MECR: variants seen among roughly 807,000 people sequenced by gnomAD.
MECR encodes the protein enoyl-[acyl-carrier-protein] reductase, mitochondrial.
MECR carries 37 observed loss-of-function variants against 49.1 expected under a neutral mutation model. The observed-to-expected ratio is 0.75, with a 90% CI of 0.58 to 0.99. The LOEUF is 0.99. Ranked by LOEUF, MECR falls within the 50% of genes least tolerant of loss-of-function variation. MECR has a pLI of 0.00. For missense variants in MECR, 470 were observed against 479.6 expected (o/e 0.98, Z 0.19); for synonymous variants, 198 against 191.1 (o/e 1.04, Z -0.30).
At chr1:29,170,239 T>A in the MECR span, 1 of 151,948 alleles carries the variant, frequency 6.6e-6, no homozygotes, top group Non-Finnish European at 1.5e-5. Flanking sequence ...AACCACAAAT[T>A]AAAAACGATT....
intron 4 of MECR, among the ~76,000 whole-genome samples, chr1:29,204,963 A>C (rs1471128385): frequency 6.6e-6 from 1 of 152,212 alleles, no homozygotes; most frequent in African/African-American, 2.4e-5. Flanking sequence ...ATGTTTCATC[A>C]CACTCCAACA....
chr1:29,211,357 T>C (rs1014089794), intron 3 of MECR, among the ~76,000 whole-genome samples: 1 of 152,264 alleles, frequency 6.6e-6, no homozygotes, highest in African/African-American at 2.4e-5. Flanking sequence ...TGAGCCACCA[T>C]GCCTGGTCCT....
At chr1:29,217,127 CAAAAAAA>C (rs1195549293) in intron 1 of MECR, among the ~76,000 whole-genome samples, 2 of 47,264 alleles carry the variant, frequency 4.2e-5, no homozygotes, top group Admixed American at 3.9e-4. Flanking sequence ...GACTTTGTCT[CAAAAAAA>C]AAAAAAAAAA....
chr1:29,222,842 C>T (rs1681107026), intron 1 of MECR, among the ~76,000 whole-genome samples: 1 of 152,150 alleles, frequency 6.6e-6, no homozygotes, highest in South Asian at 2.1e-4. Flanking sequence ...CTGCCTCTCA[C>T]CAGGGAGGCC....
chr1:29,217,370 C>T (rs1379749489), intron 1 of MECR, among the ~76,000 whole-genome samples: 5 of 148,052 alleles, frequency 3.4e-5, no homozygotes, highest in African/African-American at 4.9e-5. Context: ...CCACCACGCC[C>T]GGCTAATTTT....
rs200671357 is a variant in MECR at position 29,230,855 on chromosome 1, G to A, written c.52C>T (p.Arg18Trp). Residue 18 changes from arginine (R) to tryptophan (W), a missense_variant, in exon 1 of 10, where the codon CGG becomes TGG. Coordinates refer to ENST00000263702, the MANE Select transcript of MECR (RefSeq NM_016011.5). ...WRVRTPARQW[R>W]GLLPASGCHG... is the part of the protein sequence containing the mutation. ...CAGCCAGAAGCTGGGAGCAGCCCCC[G>A]CCACTGCCGGGCGGGGGTTCGCACC... The A allele has an allele frequency of 1.9e-6, 3 of 1,607,360 alleles. No homozygotes were observed. The highest frequency in any genetic ancestry group is 2.1e-4 in the Middle Eastern group (1 of 4,748).
chr1:29,203,187 T>C lies in MECR; in HGVS notation c.597A>G (p.Ala199=), dbSNP rs1062924. 1,377,987 of 1,584,300 alleles carry C rather than the reference T, an allele frequency of 0.87. 603,839 individuals carry two copies. The highest frequency in any genetic ancestry group is 0.9 in the Non-Finnish European group (1,043,333 of 1,161,920). ...CCAGGGCTGCGGCGATCTGGATGAC[T>C]GCTTGCCCCACTCCGCTGTTGGATG... ...QNASNSGVGQ[A]VIQIAAALGL... The change falls in exon 5 of 10, where the codon GCA becomes GCG. Residue 199 remains alanine (A), a synonymous_variant. Coordinates refer to ENST00000263702, the MANE Select transcript of MECR (RefSeq NM_016011.5).
chr1:29,216,927 G>A lies in MECR; in HGVS notation c.177-242C>T, dbSNP rs1679552950. On this transcript the variant is annotated intron_variant, in intron 1 of 9. Coordinates refer to ENST00000263702, the MANE Select transcript of MECR (RefSeq NM_016011.5). ...AGACAGGCGGATAACCTGAGGTCAG[G>A]AGTTCAAGACCAGCCTGGCCAACAT... is the stretch of plus-strand genomic sequence containing the variant. 3 of 778,688 alleles carry A rather than the reference G, an allele frequency of 3.9e-6. No individual in the cohort carries two copies. In the South Asian group the frequency reaches 6.4e-5, roughly 17 times the overall value. 48.2% of individuals were successfully genotyped at this position (778,688 alleles called of 1,614,324 possible).
At chr1:29,209,313 A>G (rs1677377007) in intron 3 of MECR, among the ~76,000 whole-genome samples, 1 of 152,246 alleles carries the variant, frequency 6.6e-6, no homozygotes, top group Non-Finnish European at 1.5e-5. Flanking sequence ...TGATTTCTCG[A>G]ATGGGTCACA....
the MECR span, among the ~76,000 whole-genome samples, chr1:29,176,801 A>G: frequency 4.9e-4 from 75 of 152,346 alleles, no homozygotes; most frequent in African/African-American, 1.7e-3. Flanking sequence ...ATTAGATAGC[A>G]TGACTAAACA....
At chr1:29,187,726 A>G (rs984429889), downstream of MECR, among the ~76,000 whole-genome samples, 1 of 150,550 alleles carries the variant, frequency 6.6e-6, no homozygotes, top group Non-Finnish European at 1.5e-5. Context: ...CAGCCTCCCA[A>G]GTAGCTGGAA....
At chr1:29,189,891 C>T (rs977679620), downstream of MECR, among the ~76,000 whole-genome samples, 1 of 152,160 alleles carries the variant, frequency 6.6e-6, no homozygotes, top group African/African-American at 2.4e-5. Flanking sequence ...TTCCCTTTTT[C>T]GGCTTCAGAT....
intron 4 of MECR, among the ~76,000 whole-genome samples, chr1:29,204,330 C>T (rs1676041674): frequency 6.6e-6 from 1 of 152,106 alleles, no homozygotes; most frequent in South Asian, 2.1e-4. Context: ...ATCTGTCACA[C>T]AACGGGCTGA....
intron 1 of MECR, chr1:29,220,591 A>G (rs1680540051): frequency 1.3e-5 from 2 of 152,240 alleles, no homozygotes; most frequent in African/African-American, 4.8e-5. Context: ...ACGTGCAGTG[A>G]CACTGCACTT....
chr1:29,189,219 G>A (rs55761636), downstream of MECR, among the ~76,000 whole-genome samples: 311 of 144,618 alleles, frequency 2.2e-3, 2 homozygotes, highest in African/African-American at 8.0e-3. Flanking sequence ...TTACAGGTGT[G>A]AGCCACTGTG....
At chr1:29,203,405 T>G (rs1311756133) in intron 4 of MECR, among the ~76,000 whole-genome samples, 172 bp from the exon 5 acceptor site, 3 of 152,222 alleles carry the variant, frequency 2.0e-5, no homozygotes, top group Non-Finnish European at 4.4e-5. Flanking sequence ...GTTCTCCTAA[T>G]GCCTCCTAAA....
intron 1 of MECR, among the ~76,000 whole-genome samples, chr1:29,229,363 C>T (rs1010904544): frequency 2.6e-5 from 4 of 152,092 alleles, no homozygotes; most frequent in Admixed American, 6.5e-5. Flanking sequence ...CCACCAAGCC[C>T]GGCTAATTTT....
chr1:29,184,249 C>G, the MECR span, among the ~76,000 whole-genome samples: 1 of 145,344 alleles, frequency 6.9e-6, no homozygotes, highest in Non-Finnish European at 1.5e-5. Flanking sequence ...TATCTTGGCT[C>G]ACTGCAGTCT....
chr1:29,182,126 GC>G, the MECR span: 1 of 184,462 alleles, frequency 5.4e-6, no homozygotes, highest in Non-Finnish European at 1.1e-5. Context: ...AGCTGGCTTC[GC>G]CCCTCCCCCG....
Sources: gnomAD v4.1 joint callset for allele counts (sites outside exome capture counted in the v4.1 genomes callset) on GRCh38, gnomAD v4.1.1 for gene constraint, MANE v1.5 for transcripts, NCBI Gene and HGNC (gene_info 2026-07-23, HGNC 2026-07-21) for gene names.